Variants in CYP2J2 observed in about 807,000 individuals in gnomAD.
CYP2J2 encodes cytochrome P450 2J2.
CYP2J2 carries 41 observed loss-of-function variants against 48.8 expected under a neutral mutation model. The observed-to-expected ratio is 0.84, with a 90% CI of 0.66 to 1.09. CYP2J2 has a LOEUF of 1.09. Ranked by LOEUF, CYP2J2 falls within the 50% of genes least tolerant of loss-of-function variation. The pLI is 0.00. For synonymous variants in CYP2J2, 221 were observed against 227.1 expected (o/e 0.97, Z 0.24); for missense variants, 644 against 617.3 (o/e 1.04, Z -0.46).
At position 59,909,789 on chromosome 1, in the gene CYP2J2, A is replaced by T; in HGVS notation, c.856T>A (p.Ser286Thr). 1 of 1,578,432 alleles carries T rather than the reference A, an allele frequency of 6.3e-7. No homozygotes were observed. ...DFIDAYLKEM[S>T]KHTGNPTSSF... ...AATGACTTTGGTTTTCTCACCTTTG[A>T]CATTTCTTTAAGGTAAGCATCAATA... The change falls in exon 5 of 9, where the codon TCA becomes ACA. Residue 286 changes from serine to threonine, a missense_variant. Physicochemically the swap from Ser to Thr is moderately conservative, Grantham distance 58 (BLOSUM62 1). Transcript: ENST00000371204.
chr1:59,925,368 C>A (rs1644555006), intron 1 of CYP2J2, among the ~76,000 whole-genome samples: 1 of 152,118 alleles, frequency 6.6e-6, no homozygotes, highest in Admixed American at 6.5e-5. Flanking sequence ...CAACAATAGT[C>A]AAATACATAT....
At chr1:59,969,034 G>A in the CYP2J2 span, among the ~76,000 whole-genome samples, 1 of 152,180 alleles carries the variant, frequency 6.6e-6, no homozygotes, top group African/African-American at 2.4e-5. Context: ...TGCGTCTGGA[G>A]TTGTTCGTTC....
the CYP2J2 span, among the ~76,000 whole-genome samples, chr1:59,935,898 T>G: frequency 6.6e-6 from 1 of 152,176 alleles, no homozygotes; most frequent in Admixed American, 6.5e-5. Flanking sequence ...CTCAGCCTCC[T>G]GAGTAGCTGG....
At chr1:59,913,633 G>A (rs189504626) in intron 2 of CYP2J2, among the ~76,000 whole-genome samples, 1 of 152,070 alleles carries the variant, frequency 6.6e-6, no homozygotes, top group East Asian at 1.9e-4. Context: ...TACCTTCCTG[G>A]ATATCTCAAA....
intron 8 of CYP2J2, among the ~76,000 whole-genome samples, chr1:59,897,017 A>C (rs1559071374): frequency 6.6e-6 from 1 of 152,216 alleles, no homozygotes; most frequent in Non-Finnish European, 1.5e-5. Flanking sequence ...TGTCTGTAAC[A>C]GGTTGTTAAG....
the CYP2J2 span, among the ~76,000 whole-genome samples, chr1:59,951,941 G>C: frequency 6.6e-6 from 1 of 152,066 alleles, no homozygotes; most frequent in Non-Finnish European, 1.5e-5. Context: ...CTCTGTCATC[G>C]AAACTATGGC....
upstream of CYP2J2, among the ~76,000 whole-genome samples, chr1:59,927,749 T>A (rs886681693): frequency 1.3e-5 from 2 of 152,068 alleles, no homozygotes; most frequent in Non-Finnish European, 2.9e-5. Flanking sequence ...ATTTTTGTAT[T>A]TTTGGTACAG....
chr1:59,910,436 C>T (rs1043681063), intron 4 of CYP2J2, among the ~76,000 whole-genome samples: 4 of 151,876 alleles, frequency 2.6e-5, no homozygotes, highest in African/African-American at 9.7e-5. Context: ...GTGAAAATGG[C>T]CATGTGTTGA....
chr1:59,950,486 G>A, the CYP2J2 span, among the ~76,000 whole-genome samples: 31 of 152,174 alleles, frequency 2.0e-4, no homozygotes, highest in Admixed American at 4.6e-4. Flanking sequence ...AAGTGGATGG[G>A]TAAGTTCTTT....
At position 59,900,980 on chromosome 1, in the gene CYP2J2, T is replaced by C; in HGVS notation, c.1315A>G (p.Met439Val). The C allele has an allele frequency of 1.9e-6, 3 of 1,614,148 alleles. No individual in the cohort carries two copies. ...NGQFKKREAF[M>V]PFSIGKRACL... ...TACAACTTACCTATTGAGAAAGGCA[T>C]AAAGGCTTCCCTTTTCTTAAACTGT... The change falls in exon 8 of 9, where the codon ATG becomes GTG. Residue 439 changes from methionine (M) to valine (V), a missense_variant. Met to Val is a conservative substitution (Grantham distance 21). Coordinates refer to ENST00000371204, the MANE Select transcript of CYP2J2 (RefSeq NM_000775.4).
chr1:59,913,081 A>T (rs1644432508), intron 2 of CYP2J2: 1 of 152,148 alleles, frequency 6.6e-6, no homozygotes, highest in Non-Finnish European at 1.5e-5. Context: ...ATTGGTCCGG[A>T]TACCTTTTGA....
At chr1:59,961,446 T>G in the CYP2J2 span, among the ~76,000 whole-genome samples, 1 of 151,932 alleles carries the variant, frequency 6.6e-6, no homozygotes, top group African/African-American at 2.4e-5. Context: ...CCCACTAGAG[T>G]GGCTATAATA....
the CYP2J2 span, among the ~76,000 whole-genome samples, chr1:59,935,015 C>CATATATAT: frequency 3.1e-3 from 148 of 47,480 alleles, 1 homozygote; most frequent in Middle Eastern, 0.013. Flanking sequence ...TATATATATA[C>CATATATAT]ATATATATAT....
the CYP2J2 span, among the ~76,000 whole-genome samples, chr1:59,956,384 A>G: frequency 6.6e-6 from 1 of 152,170 alleles, no homozygotes; most frequent in Non-Finnish European, 1.5e-5. Context: ...TCCTGAGTGC[A>G]ATAAACTCAG....
At chr1:59,907,674 G>T in intron 6 of CYP2J2, 112 bp downstream of exon 6, 2 of 1,188,880 alleles carry the variant, frequency 1.7e-6, no homozygotes, top group Non-Finnish European at 2.4e-6. Context: ...ACTCATGACT[G>T]TTCTGCCTCT....
chr1:59,962,313 G>A, the CYP2J2 span, among the ~76,000 whole-genome samples: 1 of 152,026 alleles, frequency 6.6e-6, no homozygotes, highest in Admixed American at 6.6e-5. Context: ...CATAATTCTG[G>A]GTCCCTAATG....
In CYP2J2 at chr1:59,904,900, T is replaced by C. The variant is rs1644351994; in HGVS notation, c.1162A>G (p.Thr388Ala). 6.2e-7 allele frequency: 1 copy of C among 1,613,744 alleles called. No homozygotes were observed. Among genetic ancestry groups the C allele is most frequent in the Admixed American group, 1.7e-5 (1 of 59,970 alleles). Residue 388 changes from threonine (T) to alanine (A), a missense_variant, in exon 7 of 9, where the codon ACC (threonine) becomes GCC (alanine). Physicochemically the swap from Thr to Ala is moderately conservative, Grantham distance 58. Coordinates refer to ENST00000371204, the MANE Select transcript of CYP2J2 (RefSeq NM_000775.4). ...LNVPREVTVD[T>A]TLAGYHLPKG... ...GGCAGGTGGTACCCAGCCAAAGTGG[T>C]ATCAACTGTCACTTCCCTGGGAACG...
At chr1:59,906,055 G>A (rs976583346) in intron 6 of CYP2J2, among the ~76,000 whole-genome samples, 3 of 152,072 alleles carry the variant, frequency 2.0e-5, no homozygotes, top group Admixed American at 6.6e-5. Flanking sequence ...GCGTGGTGGC[G>A]GGCGCCTGTA....
chr1:59,964,246 G>A, the CYP2J2 span, among the ~76,000 whole-genome samples: 1 of 152,174 alleles, frequency 6.6e-6, no homozygotes, highest in Non-Finnish European at 1.5e-5. Flanking sequence ...TCACCTTTCT[G>A]GAATGTGTTT....
Sources: gnomAD v4.1 joint callset for allele counts (sites outside exome capture counted in the v4.1 genomes callset) on GRCh38, gnomAD v4.1.1 for gene constraint, MANE v1.5 for transcripts, NCBI Gene and HGNC (gene_info 2026-07-23, HGNC 2026-07-21) for gene names.